The following MGAT4C variants were observed in gnomAD, a reference collection of about 807,000 sequenced individuals.
The protein encoded by MGAT4C is MGAT4 family member C.
Under a neutral mutation model 40.1 loss-of-function variants are expected in MGAT4C, and 19 were observed. That is an observed-to-expected ratio of 0.47 (90% CI 0.33 to 0.70). MGAT4C has a LOEUF of 0.70. MGAT4C is among the 30% of genes least tolerant of loss of function. The pLI is 0.02. For synonymous variants in MGAT4C, 181 were observed against 187.1 expected, an observed-to-expected ratio of 0.97 and a Z score of 0.27; for missense variants, 491 against 563.2, an observed-to-expected ratio of 0.87 and a Z score of 1.30.
At position 85,970,833 on chromosome 12, in the gene MGAT4C, T is replaced by C. The variant is rs1229366801; in HGVS notation, c.*8456A>G. ...ATGTTGATATAGTATGTACAACTTG[T>C]TTCTTAAGTTACTAAAAATGTATTT... On this transcript the variant is annotated 3_prime_UTR_variant, in exon 5 of 5. Transcript: ENST00000611864. 6.6e-6 allele frequency: 1 copy of C among 151,322 alleles called. No homozygotes were observed. The highest frequency in any genetic ancestry group is 1.5e-5 in the Non-Finnish European group (1 of 67,402). 9.4% of individuals were successfully genotyped at this position (151,322 alleles called of 1,614,324 possible).
rs773854152 is a variant in MGAT4C, at chr12:86,353,922, G to C, written c.-119-19795C>G. ...GCTAGAGTACCAAATCAAGGCCTCC[G>C]GTATTTAGAGAGTACAAGGTAATCA... On this transcript the variant is annotated intron_variant, in intron 3 of 7. Transcript: ENST00000548651. Among the ~76,000 whole-genome samples the C allele has an allele frequency of 5.9e-5, 9 of 151,976 alleles. 1 individual carries two copies. In the South Asian group the frequency reaches 8.3e-4, roughly 14 times the overall value.
chr12:86,347,765 G>A (rs1955071935), intron 3 of MGAT4C, among the ~76,000 whole-genome samples: 1 of 152,106 alleles, frequency 6.6e-6, no homozygotes, highest in Non-Finnish European at 1.5e-5. Flanking sequence ...CATAAGCATA[G>A]TCCCCATGTT....
intron 4 of MGAT4C, among the ~76,000 whole-genome samples, chr12:86,326,963 C>T (rs919226029): frequency 1.3e-5 from 2 of 152,148 alleles, no homozygotes; most frequent in African/African-American, 2.4e-5. Flanking sequence ...TTTTATATTA[C>T]TGCTTCAAAT....
intron 2 of MGAT4C, among the ~76,000 whole-genome samples, chr12:86,563,529 GT>G (rs1212043318): frequency 6.6e-6 from 1 of 152,156 alleles, no homozygotes; most frequent in Non-Finnish European, 1.5e-5. Context: ...ACTTGAACCA[GT>G]TTACAGGCCC....
At chr12:86,389,594 CT>C (rs1395225860) in intron 3 of MGAT4C, among the ~76,000 whole-genome samples, 1 of 152,060 alleles carries the variant, frequency 6.6e-6, no homozygotes, top group African/African-American at 2.4e-5. Flanking sequence ...GTATTTCTGT[CT>C]TTAGGTCTTT....
intron 1 of MGAT4C, among the ~76,000 whole-genome samples, chr12:86,210,742 T>C (rs1950429256): frequency 6.6e-6 from 1 of 152,250 alleles, no homozygotes; most frequent in Non-Finnish European, 1.5e-5. Context: ...TGAACTTCCA[T>C]ATTACCTCAG....
intron 4 of MGAT4C, among the ~76,000 whole-genome samples, chr12:86,325,466 A>G (rs1954504351): frequency 6.6e-6 from 1 of 152,204 alleles, no homozygotes. Context: ...TGCAATCAAA[A>G]AGGATTACAG....
rs1039736139 is a variant in MGAT4C at position 86,493,978 on chromosome 12, G to T, written c.-228-58713C>A. Among the ~76,000 whole-genome samples the T allele has an allele frequency of 4.0e-5, 6 of 151,364 alleles. No homozygotes were observed. In the East Asian group the frequency reaches 1.2e-3, roughly 29 times the overall value. ...CTCTTTTTTTAAGTACTACTTTATT[G>T]AGTTACATGGGACATACAATAAAAT... On this transcript the variant is annotated intron_variant, in intron 2 of 7. Coordinates refer to the MGAT4C transcript ENST00000548651.
At chr12:86,488,770 T>TA (rs1440329617) in intron 2 of MGAT4C, among the ~76,000 whole-genome samples, 1 of 152,204 alleles carries the variant, frequency 6.6e-6, no homozygotes, top group Non-Finnish European at 1.5e-5. Context: ...GAGCACATTA[T>TA]ATCATATGAT....
intron 1 of MGAT4C, among the ~76,000 whole-genome samples, chr12:86,193,368 C>G (rs1889738386): frequency 6.6e-6 from 1 of 151,854 alleles, no homozygotes; most frequent in South Asian, 2.1e-4. Context: ...AACTTCTCTC[C>G]TCACTTGCCC....
At chr12:86,368,256 A>C (rs977377912) in intron 3 of MGAT4C, among the ~76,000 whole-genome samples, 1 of 152,192 alleles carries the variant, frequency 6.6e-6, no homozygotes, top group Non-Finnish European at 1.5e-5. Flanking sequence ...ATTCACAGAA[A>C]GAAATGCCTG....
At chr12:86,079,081 G>A (rs1000396551) in intron 1 of MGAT4C, among the ~76,000 whole-genome samples, 6 of 152,150 alleles carry the variant, frequency 3.9e-5, no homozygotes, top group Non-Finnish European at 1.5e-5. Flanking sequence ...TAAAAATATG[G>A]TGTAAGATGA....
At chr12:86,389,626 T>C (rs1171615353) in intron 3 of MGAT4C, among the ~76,000 whole-genome samples, 1 of 152,188 alleles carries the variant, frequency 6.6e-6, no homozygotes, top group African/African-American at 2.4e-5. Flanking sequence ...CAAACTGTCT[T>C]CCACAATAAC....
At chr12:86,096,974 T>G (rs1874049586) in intron 1 of MGAT4C, among the ~76,000 whole-genome samples, 1 of 151,664 alleles carries the variant, frequency 6.6e-6, no homozygotes, top group East Asian at 1.9e-4. Context: ...CTTTTCCAAT[T>G]TATATACTAT....
chr12:86,150,255 T>G (rs1030545754), intron 1 of MGAT4C, among the ~76,000 whole-genome samples: 1 of 152,176 alleles, frequency 6.6e-6, no homozygotes, highest in East Asian at 1.9e-4. Context: ...CACCTCTGTC[T>G]GTGTGGCCTC....
intron 2 of MGAT4C, among the ~76,000 whole-genome samples, chr12:86,618,674 G>A (rs1445674712): frequency 1.3e-5 from 2 of 152,128 alleles, no homozygotes; most frequent in Admixed American, 6.5e-5. Flanking sequence ...AGGCTGGGGA[G>A]GGTGTGCGTC....
intron 2 of MGAT4C, among the ~76,000 whole-genome samples, chr12:86,703,191 T>C (rs181935223): frequency 3.0e-4 from 45 of 152,256 alleles, no homozygotes; most frequent in Non-Finnish European, 5.1e-4. Context: ...AGTGCTTTTT[T>C]GAGATGAAAC....
intron 2 of MGAT4C, among the ~76,000 whole-genome samples, chr12:86,481,897 C>T (rs1333349610): frequency 1.3e-5 from 2 of 151,824 alleles, no homozygotes; most frequent in African/African-American, 2.4e-5. Flanking sequence ...GAATTATAGG[C>T]ATGAGCCACC....
intron 3 of MGAT4C, among the ~76,000 whole-genome samples, chr12:85,985,771 G>A (rs1885132163): frequency 1.3e-5 from 2 of 152,066 alleles, no homozygotes; most frequent in South Asian, 2.1e-4. Context: ...CATCATTAAA[G>A]TTTAAAATAA....
Sources: allele counts gnomAD v4.1 joint callset (sites outside exome capture counted in the v4.1 genomes callset), GRCh38; gene constraint gnomAD v4.1.1; transcripts MANE v1.5; gene names NCBI Gene and HGNC (gene_info 2026-07-23, HGNC 2026-07-21).